Variants in MED27 observed in about 807,000 individuals in gnomAD.
MED27 encodes the protein mediator of RNA polymerase II transcription subunit 27.
In MED27, 30 loss-of-function variants were observed where a neutral mutation model predicts 38.2. The ratio of observed to expected loss-of-function variants is 0.79; its 90% CI spans 0.59 to 1.07. MED27 has a LOEUF of 1.07. Ranked by LOEUF, MED27 falls within the 50% of genes least tolerant of loss-of-function variation. The probability of loss-of-function intolerance (pLI) is 0.00; values close to 1 mark genes in which losing one functional copy is unlikely to be tolerated. For synonymous variants in MED27, 122 were observed against 153.5 expected (o/e 0.79, Z 1.52); for missense variants, 289 against 397.5 (o/e 0.73, Z 2.32).
At chr9:132,036,412 G>C (rs2131111358) in intron 2 of MED27, among the ~76,000 whole-genome samples, 1 of 152,256 alleles carries the variant, frequency 6.6e-6, no homozygotes, top group East Asian at 1.9e-4. Context: ...ATGTTGCACA[G>C]ACTGGTCTCA....
Position 131,862,332 on chromosome 9 carries a change from G to GT in MED27, c.801+730dup, listed in dbSNP as rs1374144877. Among the ~76,000 whole-genome samples, 35 of 152,268 alleles carry GT rather than the reference G, an allele frequency of 2.3e-4. No individual in the cohort carries two copies. Among genetic ancestry groups the GT allele is most frequent in the Non-Finnish European group, 4.9e-4 (33 of 68,022 alleles). ...GCGGTGGATGATGGGGTCTGCTGGCGTGAGAGCATGCGGCCGTGTGAGCAT... is the reference window on the plus strand; with the variant it reads ...GCGGTGGATGATGGGGTCTGCTGGCGTTGAGAGCATGCGGCCGTGTGAGCAT... On this transcript the variant is annotated intron_variant, in intron 7 of 7. Transcript: ENST00000292035. The surrounding 1 kb of genome is among the most constrained non-coding windows in gnomAD (Gnocchi z 4.6).
chr9:131,904,194 C>T (rs1303270156), intron 4 of MED27, among the ~76,000 whole-genome samples: 5 of 151,874 alleles, frequency 3.3e-5, no homozygotes, highest in Admixed American at 3.3e-4. Context: ...CCACTGCGAC[C>T]AGCCCAGCTA....
intron 6 of MED27, chr9:131,868,934 A>G (rs1589169829): frequency 1.0e-6 from 1 of 985,486 alleles, no homozygotes; most frequent in South Asian, 4.7e-5. Flanking sequence ...AGGCGGCGGG[A>G]GCCATGCGCC....
intron 6 of MED27, among the ~76,000 whole-genome samples, chr9:131,879,886 T>C (rs1839005580): frequency 6.6e-6 from 1 of 152,244 alleles, no homozygotes. Context: ...TCTTGAGGAA[T>C]AGCAAATCCT....
intron 3 of MED27, among the ~76,000 whole-genome samples, chr9:132,000,588 A>T (rs1321254611): frequency 6.6e-6 from 1 of 152,170 alleles, no homozygotes; most frequent in Admixed American, 6.5e-5. Flanking sequence ...TAGCCAAAAC[A>T]ACCCAGTTGT....
At chr9:131,981,361 C>T (rs1177411323) in intron 3 of MED27, among the ~76,000 whole-genome samples, 1 of 152,156 alleles carries the variant, frequency 6.6e-6, no homozygotes, top group Non-Finnish European at 1.5e-5. Flanking sequence ...TGTAAAGCCC[C>T]ATGGAATCTG....
At chr9:132,041,077 G>C (rs1015151086) in intron 2 of MED27, among the ~76,000 whole-genome samples, 1 of 152,184 alleles carries the variant, frequency 6.6e-6, no homozygotes, top group African/African-American at 2.4e-5. Context: ...AGAGCAGAAG[G>C]GAAGAACAAG....
chr9:131,877,851 C>T (rs1838964255), intron 6 of MED27, among the ~76,000 whole-genome samples: 1 of 152,204 alleles, frequency 6.6e-6, no homozygotes, highest in South Asian at 2.1e-4. Context: ...ATCAGGTGTC[C>T]ACCCACTTTT....
intron 6 of MED27, among the ~76,000 whole-genome samples, chr9:131,869,945 TC>T (rs1203176840): frequency 6.6e-6 from 1 of 152,070 alleles, no homozygotes; most frequent in Non-Finnish European, 1.5e-5. Flanking sequence ...TCTCAGCATA[TC>T]CAAACCCAGG....
chr9:131,960,028 T>C (rs989691209), intron 3 of MED27, among the ~76,000 whole-genome samples: 1 of 152,198 alleles, frequency 6.6e-6, no homozygotes. Flanking sequence ...AGTTCACAAA[T>C]GAATATTTGC....
chr9:131,862,328 T>C lies in MED27; in HGVS notation c.801+735A>G, dbSNP rs190199198. 3.5e-3 allele frequency among the ~76,000 whole-genome samples: 528 copies of C among 152,256 alleles called. 5 individuals carry two copies. Among genetic ancestry groups the C allele is most frequent in the African/African-American group, 0.012 (504 of 41,544 alleles). On this transcript the variant is annotated intron_variant, in intron 7 of 7. Transcript: ENST00000292035. This position sits in a 1 kb window ranked among gnomAD's most constrained non-coding sequence, Gnocchi z 4.6. Reference sequence around the variant, plus strand: ...AGCAGCGGTGGATGATGGGGTCTGCTGGCGTGAGAGCATGCGGCCGTGTGA... The same window carrying C: ...AGCAGCGGTGGATGATGGGGTCTGCCGGCGTGAGAGCATGCGGCCGTGTGA...
At chr9:131,940,949 C>T (rs951260946) in intron 3 of MED27, among the ~76,000 whole-genome samples, 2 of 152,142 alleles carry the variant, frequency 1.3e-5, no homozygotes, top group African/African-American at 4.8e-5. Flanking sequence ...ATATAAAGGA[C>T]TCAAAAATTT....
intron 4 of MED27, among the ~76,000 whole-genome samples, chr9:131,921,460 CA>C (rs1830389943): frequency 6.7e-6 from 1 of 150,090 alleles, no homozygotes; most frequent in Non-Finnish European, 1.5e-5. Flanking sequence ...AAATGCAAAT[CA>C]AAACCACAAT....
intron 2 of MED27, among the ~76,000 whole-genome samples, chr9:132,071,378 A>T (rs768825159): frequency 4.9e-4 from 75 of 152,008 alleles, no homozygotes; most frequent in Admixed American, 2.8e-3. Context: ...ATAAATGAGC[A>T]CACACACGAG....
chr9:131,863,010 A>C (rs1328550741), intron 7 of MED27, 53 bp downstream of exon 7: 3 of 1,506,796 alleles, frequency 2.0e-6, no homozygotes, highest in Non-Finnish European at 2.8e-6. Context: ...CCCTGTTCTC[A>C]CTTGAAGGGA....
At chr9:131,953,507 G>A (rs1250816789) in intron 3 of MED27, among the ~76,000 whole-genome samples, 1 of 152,202 alleles carries the variant, frequency 6.6e-6, no homozygotes, top group Non-Finnish European at 1.5e-5. Flanking sequence ...AATAAAACCT[G>A]TGATTTCATA....
rs538774961 is a variant in MED27 at position 131,872,619 on chromosome 9, G to C, written c.724-9479C>G. 9.8e-4 allele frequency among the ~76,000 whole-genome samples: 148 copies of C among 151,436 alleles called. 1 individual carries two copies. Among genetic ancestry groups the C allele is most frequent in the Non-Finnish European group, 9.6e-4 (65 of 68,024 alleles). On this transcript the variant is annotated intron_variant, in intron 6 of 7. Coordinates refer to ENST00000292035, the MANE Select transcript of MED27 (RefSeq NM_004269.4). This position sits in a 1 kb window ranked among gnomAD's most constrained non-coding sequence, Gnocchi z 5.6. ...TAGCTTAGTGGCGAATGGCCTGGGG[G>C]GCCTCTTCCCTGCTGGCCCTCGGTA...
intron 6 of MED27, among the ~76,000 whole-genome samples, chr9:131,874,000 C>A (rs1838879833): frequency 6.6e-6 from 1 of 152,138 alleles, no homozygotes; most frequent in South Asian, 2.1e-4. Flanking sequence ...GGGTGATGTA[C>A]CCCCGCTGGC....
chr9:132,015,619 G>T (rs994729735), intron 2 of MED27, among the ~76,000 whole-genome samples: 18 of 152,234 alleles, frequency 1.2e-4, no homozygotes, highest in Admixed American at 1.2e-3. Flanking sequence ...GTGCCCTAAC[G>T]CAGTCAATCC....
Sources: allele counts gnomAD v4.1 joint callset (sites outside exome capture counted in the v4.1 genomes callset), GRCh38; gene constraint gnomAD v4.1.1; non-coding constraint Gnocchi (gnomAD v3.1); transcripts MANE v1.5; gene names NCBI Gene and HGNC (gene_info 2026-07-23, HGNC 2026-07-21).